The following SLC16A12 variants were observed in gnomAD, a reference collection of about 807,000 sequenced individuals.
The protein encoded by SLC16A12 is solute carrier family 16 member 12.
SLC16A12 carries 17 observed loss-of-function variants against 42.4 expected under a neutral mutation model. That is an observed-to-expected ratio of 0.40 (90% CI 0.27 to 0.60). The LOEUF (loss-of-function observed/expected upper bound fraction) is 0.60, where lower values mean the gene tolerates loss of function less well. Among genes scored for constraint, SLC16A12 ranks in the 20% least tolerant of loss-of-function variants. The pLI, the probability that SLC16A12 is intolerant of heterozygous loss-of-function variation, is 0.42. For missense variants in SLC16A12, 544 were observed against 623.0 expected (o/e 0.87, Z 1.35); for synonymous variants, 224 against 229.4 (o/e 0.98, Z 0.21).
At chr10:89,532,530 T>C (rs948027805) in intron 2 of SLC16A12, among the ~76,000 whole-genome samples, 5 of 152,236 alleles carry the variant, frequency 3.3e-5, no homozygotes, top group Non-Finnish European at 4.4e-5. Flanking sequence ...ATCATTTCAA[T>C]GGGTGACTTT....
At chr10:89,536,963 G>C (rs1036273915), upstream of SLC16A12, among the ~76,000 whole-genome samples, 1 of 151,468 alleles carries the variant, frequency 6.6e-6, no homozygotes, top group Non-Finnish European at 1.5e-5. Flanking sequence ...TCAGCTTCCG[G>C]AGTAGCTGGG....
chr10:89,512,450 TG>T (rs1261656024), intron 2 of SLC16A12, among the ~76,000 whole-genome samples: 1 of 152,170 alleles, frequency 6.6e-6, no homozygotes, highest in African/African-American at 2.4e-5. Flanking sequence ...ATTAGAGGGT[TG>T]GAACTTTCTG....
intron 2 of SLC16A12, among the ~76,000 whole-genome samples, chr10:89,476,785 G>A (rs925794951): frequency 2.0e-5 from 3 of 152,224 alleles, no homozygotes; most frequent in Non-Finnish European, 4.4e-5. Flanking sequence ...CCAGGCCAAA[G>A]GTGGAAACAG....
upstream of SLC16A12, among the ~76,000 whole-genome samples, chr10:89,540,586 C>G (rs1843709170): frequency 6.6e-6 from 1 of 152,208 alleles, no homozygotes; most frequent in Non-Finnish European, 1.5e-5. Flanking sequence ...TGACCTCCCT[C>G]TGAACTCCAA....
chr10:89,539,869 C>CTTTCTTTCTTTCTTTCTTTCTT (rs1564604762), upstream of SLC16A12, among the ~76,000 whole-genome samples: 8 of 140,892 alleles, frequency 5.7e-5, no homozygotes, highest in East Asian at 8.1e-4. Context: ...TTCTTTCTTT[C>CTTTCTTTCTTTCTTTCTTTCTT]TTTCTTTCTT....
intron 2 of SLC16A12, among the ~76,000 whole-genome samples, chr10:89,555,108 G>A (rs577358193): frequency 6.6e-6 from 1 of 152,158 alleles, no homozygotes; most frequent in South Asian, 2.1e-4. Flanking sequence ...TTCAGGATTA[G>A]CAATTACCTT....
chr10:89,438,113 G>A (rs527618347), intron 6 of SLC16A12, among the ~76,000 whole-genome samples: 10 of 137,384 alleles, frequency 7.3e-5, no homozygotes, highest in East Asian at 2.1e-4. Context: ...TAAATCTACC[G>A]CCAGAACTTG....
intron 3 of SLC16A12, among the ~76,000 whole-genome samples, chr10:89,458,480 T>C (rs1461896564): frequency 6.6e-6 from 1 of 152,196 alleles, no homozygotes; most frequent in Non-Finnish European, 1.5e-5. Flanking sequence ...CTCCCTTAGT[T>C]ATCCAATTGA....
At chr10:89,490,752 A>C (rs1589702067) in intron 2 of SLC16A12, among the ~76,000 whole-genome samples, 1 of 152,174 alleles carries the variant, frequency 6.6e-6, no homozygotes, top group African/African-American at 2.4e-5. Flanking sequence ...TGGTTAAATC[A>C]TTGACCATTT....
chr10:89,537,211 T>C (rs1843680826), upstream of SLC16A12, among the ~76,000 whole-genome samples: 1 of 148,716 alleles, frequency 6.7e-6, no homozygotes, highest in South Asian at 2.2e-4. Flanking sequence ...GGGATTTCAC[T>C]ATGTCGCTAA....
chr10:89,433,668 T>C (rs1239062418), intron 7 of SLC16A12, among the ~76,000 whole-genome samples: 1 of 152,206 alleles, frequency 6.6e-6, no homozygotes, highest in Admixed American at 6.5e-5. Flanking sequence ...TGGAATAATT[T>C]ACCTAGGGTG....
chr10:89,438,134 A>ACAATTTAGACACATCT (rs564716627), intron 6 of SLC16A12, among the ~76,000 whole-genome samples: 14,510 of 152,192 alleles, frequency 0.095, 769 homozygotes, highest in Middle Eastern at 0.18. Flanking sequence ...TAGTTACCCT[A>ACAATTTAGACACATCT]GGCTTCTGCA....
At chr10:89,519,225 G>C (rs1298244380) in intron 2 of SLC16A12, among the ~76,000 whole-genome samples, 1 of 152,028 alleles carries the variant, frequency 6.6e-6, no homozygotes, top group East Asian at 1.9e-4. Context: ...ACTTGAAGAG[G>C]CATGGTGGGA....
chr10:89,537,353 T>A (rs921057241), upstream of SLC16A12, among the ~76,000 whole-genome samples: 10 of 152,062 alleles, frequency 6.6e-5, no homozygotes, highest in South Asian at 2.1e-4. Flanking sequence ...GGGGTTTTTT[T>A]AAATAGTCTA....
chr10:89,472,487 C>CTTTTTTTTTTTTTTTTTTTTTTTTTCT (rs71022567), intron 2 of SLC16A12, among the ~76,000 whole-genome samples: 4 of 89,896 alleles, frequency 4.4e-5, no homozygotes, highest in South Asian at 4.0e-4. Context: ...TCTTTTCTTT[C>CTTTTTTTTTTTTTTTTTTTTTTTTTCT]TTTTTTTTTT....
intron 3 of SLC16A12, among the ~76,000 whole-genome samples, chr10:89,451,015 T>C (rs17478213): frequency 0.015 from 2,266 of 152,318 alleles, 28 homozygotes; most frequent in Non-Finnish European, 0.021. Context: ...AGCAATAGTT[T>C]GCATCACTGT....
At chr10:89,447,438 T>C (rs1842023356) in intron 3 of SLC16A12, among the ~76,000 whole-genome samples, 1 of 152,138 alleles carries the variant, frequency 6.6e-6, no homozygotes, top group Non-Finnish European at 1.5e-5. Flanking sequence ...AAATTAGAAC[T>C]CAGGATTAAG....
At chr10:89,462,831 T>A in intron 2 of SLC16A12, 1 of 507,384 alleles carries the variant, frequency 2.0e-6, no homozygotes, top group Non-Finnish European at 3.3e-6. Context: ...TGTAGTCAAA[T>A]GCATGTCTAC....
At chr10:89,530,532 C>T (rs912295720) in intron 2 of SLC16A12, among the ~76,000 whole-genome samples, 9 of 152,024 alleles carry the variant, frequency 5.9e-5, no homozygotes, top group African/African-American at 2.2e-4. Context: ...ATTCTCCTGC[C>T]TCAGCCTCCC....
Sources: allele counts gnomAD v4.1 joint callset (sites outside exome capture counted in the v4.1 genomes callset), GRCh38; gene constraint gnomAD v4.1.1; transcripts MANE v1.5; gene names NCBI Gene and HGNC (gene_info 2026-07-23, HGNC 2026-07-21).